The following GSN variants were observed in gnomAD, a reference collection of about 807,000 sequenced individuals.
GSN encodes the protein actin-depolymerizing factor.
Under a neutral mutation model 85.7 loss-of-function variants are expected in GSN, and 56 were observed. The observed-to-expected ratio is 0.65, with a 90% CI of 0.53 to 0.82. The LOEUF (loss-of-function observed/expected upper bound fraction) is 0.82, where lower values mean the gene tolerates loss of function less well. Among genes scored for constraint, GSN ranks in the 40% least tolerant of loss-of-function variants. GSN has a pLI of 0.00. For missense variants in GSN, 857 were observed against 979.8 expected, an observed-to-expected ratio of 0.87 and a Z score of 1.67; for synonymous variants, 373 against 399.1, an observed-to-expected ratio of 0.93 and a Z score of 0.78.
At chr9:121,276,914 A>G (rs1564395078) in intron 1 of GSN, among the ~76,000 whole-genome samples, 2 of 152,108 alleles carry the variant, frequency 1.3e-5, no homozygotes, top group African/African-American at 4.8e-5. Context: ...CAGGTTGTGC[A>G]CATGTACCCT....
At chr9:121,286,884 T>C in intron 2 of GSN, 1 of 789,298 alleles carries the variant, frequency 1.3e-6, no homozygotes. Flanking sequence ...TTCCTCCGTC[T>C]ATAAAAGGAG....
chr9:121,260,457 A>G (rs956343575), intron 6 of GSN, among the ~76,000 whole-genome samples: 4 of 152,254 alleles, frequency 2.6e-5, no homozygotes, highest in Non-Finnish European at 5.9e-5. Flanking sequence ...AAGACAACCT[A>G]GAGTGACTTG....
At chr9:121,226,179 T>G (rs2054269575) in intron 4 of GSN, among the ~76,000 whole-genome samples, 1 of 152,140 alleles carries the variant, frequency 6.6e-6, no homozygotes, top group Non-Finnish European at 1.5e-5. Flanking sequence ...TCACCCAGGC[T>G]CTTCAAGTCA....
At chr9:121,254,526 G>A (rs1443064466) in intron 6 of GSN, among the ~76,000 whole-genome samples, 1 of 152,144 alleles carries the variant, frequency 6.6e-6, no homozygotes, top group Non-Finnish European at 1.5e-5. Flanking sequence ...ACCTAAAGAG[G>A]TCATACTTCT....
chr9:121,215,219 C>CA (rs1196336094), intron 4 of GSN, among the ~76,000 whole-genome samples: 1 of 149,606 alleles, frequency 6.7e-6, no homozygotes, highest in Admixed American at 6.7e-5. Flanking sequence ...TTAAGGACCC[C>CA]CCCCCCCACA....
intron 6 of GSN, among the ~76,000 whole-genome samples, chr9:121,252,271 G>A (rs1261772354): frequency 6.6e-6 from 1 of 152,196 alleles, no homozygotes; most frequent in East Asian, 1.9e-4. Flanking sequence ...GGCATTATAT[G>A]TTCAGAAACC....
chr9:121,246,736 C>T (rs76331566), intron 5 of GSN, among the ~76,000 whole-genome samples: 4,622 of 152,214 alleles, frequency 0.03, 116 homozygotes, highest in Non-Finnish European at 0.05. Context: ...CTTCATTTTC[C>T]AGCCCACATC....
chr9:121,206,472 A>G (rs1000912838), upstream of GSN, among the ~76,000 whole-genome samples: 1 of 152,208 alleles, frequency 6.6e-6, no homozygotes, highest in Non-Finnish European at 1.5e-5. Flanking sequence ...TCTGTATTCA[A>G]TTGTAAAAGA....
At chr9:121,324,441 T>C (rs553753039) in intron 11 of GSN, 113 bp from the exon 12 acceptor site, 268 of 663,424 alleles carry the variant, frequency 4.0e-4, no homozygotes, top group African/African-American at 2.5e-3. Flanking sequence ...CTTCCCTCTC[T>C]ATCTGTTTCA....
chr9:121,301,951 G>C lies in GSN; in HGVS notation c.-9-12G>C. 6.2e-7 allele frequency: 1 copy of C among 1,614,100 alleles called. No individual in the cohort carries two copies. Among genetic ancestry groups the C allele is most frequent in the Non-Finnish European group, 8.5e-7 (1 of 1,179,992 alleles). The stretch of plus-strand genomic sequence containing the variant: ...CCCTGCCCCGCTTAGGCTCTGCCCT[G>C]TCTCATCCCAGCCCAACAGCATGGT... On this transcript the variant is annotated splice_polypyrimidine_tract_variant and intron_variant, in intron 2 of 17. Transcript: ENST00000432226.
intron 4 of GSN, among the ~76,000 whole-genome samples, chr9:121,305,793 C>T (rs2060348505): frequency 6.6e-6 from 1 of 152,242 alleles, no homozygotes; most frequent in South Asian, 2.1e-4. Context: ...TTACCACCTT[C>T]TGTAAGTCCT....
intron 6 of GSN, among the ~76,000 whole-genome samples, chr9:121,251,184 G>GTTTTTTTTTTTTTTT (rs1339859188): frequency 6.3e-4 from 4 of 6,358 alleles, no homozygotes; most frequent in African/African-American, 2.7e-3. Flanking sequence ...CAGCTGATGT[G>GTTTTTTTTTTTTTTT]TTCTTTTTTT....
chr9:121,231,616 G>A (rs1243583290), intron 5 of GSN, among the ~76,000 whole-genome samples: 2 of 152,176 alleles, frequency 1.3e-5, no homozygotes, highest in Admixed American at 6.5e-5. Context: ...TCAACTGAGA[G>A]CTGGGAAGAG....
At chr9:121,325,324 G>C (rs2063023108) in intron 12 of GSN, among the ~76,000 whole-genome samples, 1 of 152,224 alleles carries the variant, frequency 6.6e-6, no homozygotes, top group Non-Finnish European at 1.5e-5. Context: ...GCACGTGTAG[G>C]AGTTGCCCAG....
At chr9:121,259,961 G>A (rs2055047066) in intron 6 of GSN, among the ~76,000 whole-genome samples, 2 of 152,218 alleles carry the variant, frequency 1.3e-5, no homozygotes, top group Admixed American at 1.3e-4. Flanking sequence ...CCTACAGGGG[G>A]ACATGTAGGG....
chr9:121,286,003 C>T (rs934687782), intron 2 of GSN: 14 of 879,428 alleles, frequency 1.6e-5, no homozygotes, highest in Middle Eastern at 4.3e-4. Context: ...GAACCATTTC[C>T]GGAACTGTGT....
At chr9:121,310,620 T>G in intron 4 of GSN, 64 bp from the exon 5 acceptor site, 1 of 1,525,464 alleles carries the variant, frequency 6.6e-7, no homozygotes, top group East Asian at 2.3e-5. Flanking sequence ...TTCTGTCCCC[T>G]TCTTCCATAT....
upstream of GSN, among the ~76,000 whole-genome samples, chr9:121,204,298 A>T (rs1258736491): frequency 6.6e-6 from 1 of 152,234 alleles, no homozygotes; most frequent in Non-Finnish European, 1.5e-5. Context: ...TAAATCTGGC[A>T]ACATGTGACC....
intron 5 of GSN, among the ~76,000 whole-genome samples, chr9:121,247,771 C>G: frequency 6.6e-6 from 1 of 152,146 alleles, no homozygotes; most frequent in Non-Finnish European, 1.5e-5. Flanking sequence ...TTAGTTGTTA[C>G]ACTGGGATCC....
Sources: allele counts gnomAD v4.1 joint callset (sites outside exome capture counted in the v4.1 genomes callset), GRCh38; gene constraint gnomAD v4.1.1; transcripts MANE v1.5; gene names NCBI Gene and HGNC (gene_info 2026-07-23, HGNC 2026-07-21).